Variants in RAB8B observed in about 807,000 individuals in gnomAD.
RAB8B encodes the protein ras-related protein Rab-8B.
A neutral mutation model predicts 32.0 loss-of-function variants in RAB8B; 11 were observed. The ratio of observed to expected loss-of-function variants is 0.34; its 90% CI spans 0.22 to 0.57. The LOEUF is 0.57. RAB8B is among the 20% of genes least tolerant of loss of function. RAB8B has a pLI of 0.86. For synonymous variants in RAB8B, 103 were observed against 89.6 expected (o/e 1.15, Z -0.85); for missense variants, 190 against 258.5 (o/e 0.73, Z 1.82).
intron 1 of RAB8B, among the ~76,000 whole-genome samples, chr15:63,214,816 A>G (rs1350782657): frequency 3.3e-5 from 5 of 152,186 alleles, no homozygotes; most frequent in Admixed American, 1.3e-4. Context: ...AAAACTGCAT[A>G]TAGTGGTGTT....
chr15:63,255,011 G>A (rs2038148101), intron 3 of RAB8B, among the ~76,000 whole-genome samples: 1 of 152,178 alleles, frequency 6.6e-6, no homozygotes, highest in Non-Finnish European at 1.5e-5. Flanking sequence ...TGTCTGTGAT[G>A]TACTTAGATA....
chr15:63,214,629 A>G (rs1393229529), intron 1 of RAB8B, among the ~76,000 whole-genome samples: 3 of 152,078 alleles, frequency 2.0e-5, no homozygotes, highest in Non-Finnish European at 4.4e-5. Context: ...GTGAGCCACC[A>G]TGCCCAACCG....
intron 1 of RAB8B, among the ~76,000 whole-genome samples, chr15:63,230,271 T>C (rs1196364259): frequency 6.6e-6 from 1 of 152,180 alleles, no homozygotes; most frequent in African/African-American, 2.4e-5. Flanking sequence ...TTTGCAGTTA[T>C]GTTTGTTTAT....
chr15:63,252,352 A>G (rs981583351), intron 3 of RAB8B, among the ~76,000 whole-genome samples: 6 of 152,210 alleles, frequency 3.9e-5, no homozygotes, highest in African/African-American at 1.4e-4. Flanking sequence ...GCGTGGAAGA[A>G]GTATTGTCCT....
chr15:63,190,822 C>T (rs2037549810), intron 1 of RAB8B, among the ~76,000 whole-genome samples: 3 of 152,164 alleles, frequency 2.0e-5, no homozygotes, highest in Admixed American at 6.5e-5. Context: ...AACTTACATT[C>T]TACCTGCCTC....
At chr15:63,219,883 T>C (rs2037829168) in intron 1 of RAB8B, among the ~76,000 whole-genome samples, 1 of 152,192 alleles carries the variant, frequency 6.6e-6, no homozygotes. Flanking sequence ...TTATCTCTCT[T>C]CTTTTTTGGT....
intron 1 of RAB8B, among the ~76,000 whole-genome samples, chr15:63,205,134 C>G (rs2037687547): frequency 6.6e-6 from 1 of 151,958 alleles, no homozygotes. Context: ...CCCGTCTCTA[C>G]AAAAATACAA....
chr15:63,261,045 CT>C (rs1328372698), intron 6 of RAB8B, among the ~76,000 whole-genome samples: 1 of 152,152 alleles, frequency 6.6e-6, no homozygotes, highest in Non-Finnish European at 1.5e-5. Flanking sequence ...CAGAAAAATG[CT>C]TCCCTCTGCT....
chr15:63,206,767 T>C (rs957978849), intron 1 of RAB8B, among the ~76,000 whole-genome samples: 17 of 152,088 alleles, frequency 1.1e-4, no homozygotes, highest in Non-Finnish European at 2.1e-4. Flanking sequence ...CATCTCCCCT[T>C]TCTCCTTCCT....
intron 1 of RAB8B, among the ~76,000 whole-genome samples, chr15:63,228,400 T>G (rs2037906861): frequency 6.6e-6 from 1 of 152,342 alleles, no homozygotes; most frequent in African/African-American, 2.4e-5. Flanking sequence ...GGCTAATAAA[T>G]TATGATATGG....
At chr15:63,198,562 C>T (rs932501710) in intron 1 of RAB8B, among the ~76,000 whole-genome samples, 3 of 152,104 alleles carry the variant, frequency 2.0e-5, no homozygotes, top group African/African-American at 7.2e-5. Flanking sequence ...TGATAAAAAC[C>T]ATCTGCAGAG....
intron 1 of RAB8B, among the ~76,000 whole-genome samples, chr15:63,200,839 C>G (rs111365283): frequency 6.6e-6 from 1 of 152,202 alleles, no homozygotes; most frequent in African/African-American, 2.4e-5. Context: ...TTCTCTTACA[C>G]CCCATCTGCC....
intron 1 of RAB8B, among the ~76,000 whole-genome samples, chr15:63,240,806 CAAA>C (rs11312318): frequency 1.5e-4 from 17 of 113,800 alleles, no homozygotes; most frequent in Non-Finnish European, 2.3e-4. Flanking sequence ...ATGTTCCTAA[CAAA>C]AAAAAAAAAA....
At chr15:63,246,930 C>T (rs1567019330) in intron 2 of RAB8B, among the ~76,000 whole-genome samples, 1 of 152,128 alleles carries the variant, frequency 6.6e-6, no homozygotes, top group African/African-American at 2.4e-5. Flanking sequence ...TATCTGTGTG[C>T]CAAGAATCAG....
rs897009578 is a variant in RAB8B at position 63,259,371 on chromosome 15, G to A, written c.415-256G>A. ...CCTGACCTCGTGATCCGTCTGCCTC[G>A]GCCTCCCAAAGTGCGTGAGCCACCA... On this transcript the variant is annotated intron_variant, in intron 5 of 7. Coordinates refer to ENST00000321437, the MANE Select transcript of RAB8B (RefSeq NM_016530.3). The surrounding 1 kb of genome is among the most constrained non-coding windows in gnomAD (Gnocchi z 4.4). Among the ~76,000 whole-genome samples the A allele has an allele frequency of 2.0e-5, 3 of 152,034 alleles. No homozygotes were observed. Among genetic ancestry groups the A allele is most frequent in the East Asian group, 1.9e-4 (1 of 5,186 alleles).
At chr15:63,197,409 T>A (rs544008939) in intron 1 of RAB8B, among the ~76,000 whole-genome samples, 61 of 147,100 alleles carry the variant, frequency 4.1e-4, no homozygotes, top group African/African-American at 1.4e-3. Flanking sequence ...AGTCTTGTTC[T>A]TTCGCCCAGG....
intron 1 of RAB8B, among the ~76,000 whole-genome samples, chr15:63,202,028 G>A (rs764597766): frequency 8.0e-5 from 12 of 150,320 alleles, no homozygotes; most frequent in South Asian, 4.2e-4. Context: ...CGAGGCGGGC[G>A]GATCCACAAG....
At chr15:63,260,535 C>A (rs754760096) in intron 6 of RAB8B, among the ~76,000 whole-genome samples, 7 of 152,082 alleles carry the variant, frequency 4.6e-5, no homozygotes, top group Non-Finnish European at 8.8e-5. Context: ...TAAGGAAAAC[C>A]AAACCATCTA....
chr15:63,213,718 T>A (rs992475056), intron 1 of RAB8B, among the ~76,000 whole-genome samples: 2 of 152,204 alleles, frequency 1.3e-5, no homozygotes, highest in Non-Finnish European at 2.9e-5. Context: ...GAGTAAATTC[T>A]GTCTTCCAAA....
Sources: allele counts gnomAD v4.1 joint callset (sites outside exome capture counted in the v4.1 genomes callset), GRCh38; gene constraint gnomAD v4.1.1; non-coding constraint Gnocchi (gnomAD v3.1); transcripts MANE v1.5; gene names NCBI Gene and HGNC (gene_info 2026-07-23, HGNC 2026-07-21).